LAMA2: variants seen among roughly 807,000 people sequenced by gnomAD.
LAMA2 encodes the protein laminin subunit alpha-2.
In LAMA2, 269 loss-of-function variants were observed where a neutral mutation model predicts 364.8. The ratio of observed to expected loss-of-function variants is 0.74; its 90% confidence interval spans 0.67 to 0.82. The LOEUF (loss-of-function observed/expected upper bound fraction) is 0.82. LAMA2 is among the 40% of genes least tolerant of loss of function. The probability of loss-of-function intolerance (pLI) is 0.00; values close to 1 mark genes in which losing one functional copy is unlikely to be tolerated. For synonymous variants in LAMA2, 1,379 were observed against 1,370.6 expected (o/e 1.01, Z -0.14); for missense variants, 3,807 against 3,873.2 (o/e 0.98, Z 0.45).
At chr6:128,957,730 C>T (rs1268500316) in intron 1 of LAMA2, among the ~76,000 whole-genome samples, 3 of 151,646 alleles carry the variant, frequency 2.0e-5, no homozygotes, top group Non-Finnish European at 2.9e-5. Flanking sequence ...TGAGTTGTCT[C>T]GAAGAGCAGT....
rs546637372 is a variant in LAMA2, at chr6:129,464,961, T to C, written c.7156-184T>C. Among the ~76,000 whole-genome samples the C allele has an allele frequency of 1.2e-4, 19 of 152,124 alleles. No homozygotes were observed. In the South Asian group the frequency reaches 2.5e-3, roughly 20 times the overall value. ...TTTGTTGTGACCATGTGCATCATAA[T>C]ATCACAGCCACAAAAATTCAGAAAA... On this transcript the variant is annotated intron_variant, in intron 50 of 64. Transcript: ENST00000421865.
At chr6:129,403,040 G>T (rs1286596715) in intron 39 of LAMA2, among the ~76,000 whole-genome samples, 1 of 152,144 alleles carries the variant, frequency 6.6e-6, no homozygotes, top group Non-Finnish European at 1.5e-5. Context: ...AGTAAAGAGG[G>T]AAGTATACAT....
At chr6:129,515,773 T>C (rs963690782) in intron 64 of LAMA2, among the ~76,000 whole-genome samples, 2 of 152,214 alleles carry the variant, frequency 1.3e-5, no homozygotes, top group Non-Finnish European at 1.5e-5. Context: ...TGTTTTCATA[T>C]GTTATAACTA....
At chr6:129,498,142 T>A (rs1380591786) in intron 58 of LAMA2, among the ~76,000 whole-genome samples, 4 of 152,226 alleles carry the variant, frequency 2.6e-5, no homozygotes, top group African/African-American at 9.6e-5. Context: ...GGCTGCATTC[T>A]TTTACTTGAA....
intron 32 of LAMA2, among the ~76,000 whole-genome samples, chr6:129,358,510 A>G (rs902003640): frequency 1.3e-5 from 2 of 152,054 alleles, no homozygotes; most frequent in African/African-American, 4.8e-5. Flanking sequence ...TTAAAGTTGG[A>G]AGAAATAAGT....
chr6:129,313,645 G>A (rs1774372308), intron 23 of LAMA2, among the ~76,000 whole-genome samples: 1 of 152,124 alleles, frequency 6.6e-6, no homozygotes, highest in East Asian at 1.9e-4. Flanking sequence ...TAGAAAAAGA[G>A]CCAATTAAAA....
chr6:129,070,414 A>C (rs927637439), intron 3 of LAMA2, among the ~76,000 whole-genome samples: 1 of 152,190 alleles, frequency 6.6e-6, no homozygotes, highest in South Asian at 2.1e-4. Context: ...GATACCTATG[A>C]GGTTCACTTT....
At chr6:129,016,409 T>A (rs1378905591) in intron 1 of LAMA2, among the ~76,000 whole-genome samples, 1 of 152,048 alleles carries the variant, frequency 6.6e-6, no homozygotes, top group East Asian at 1.9e-4. Context: ...CTATTAATAA[T>A]ATCTAAAGCT....
In LAMA2 at chr6:129,284,190, TA is replaced by T. The variant is rs1416213829; in HGVS notation, c.2538-3656del. Among the ~76,000 whole-genome samples, 4 of 152,148 alleles carry T rather than the reference TA, an allele frequency of 2.6e-5. No homozygotes were observed. The East Asian group carries it at 7.8e-4, about 29-fold the overall frequency. ...ATGGGAGGAAGTAAGAACACAGCAT[TA>T]CAGCCACGCCTCTTTATACAGCAGC... On this transcript the variant is annotated intron_variant, in intron 18 of 64. Transcript: ENST00000421865.
intron 8 of LAMA2, chr6:129,158,840 G>T: frequency 9.3e-6 from 15 of 1,613,972 alleles, no homozygotes; most frequent in Non-Finnish European, 1.3e-5. Context: ...AGCTAATGTG[G>T]TTTCTCCCTG....
In LAMA2 at chr6:129,427,775, AAAGG is replaced by A; in HGVS notation, c.5893_5896del (p.Glu1965MetfsTer19). On this transcript the variant is annotated frameshift_variant, in exon 41 of 65. Coordinates refer to ENST00000421865, the MANE Select transcript of LAMA2 (RefSeq NM_000426.4). LOFTEE classifies it high-confidence loss of function. ...AGGCAACAGGTCCTCGGGGTTTATT[AAAGG>A]AAGATGCCAAAGGCTGTCTTCAGAA... The A allele has an allele frequency of 1.2e-6, 2 of 1,613,610 alleles. No individual in the cohort carries two copies. The highest frequency in any genetic ancestry group is 1.7e-6 in the Non-Finnish European group (2 of 1,179,670).
intron 1 of LAMA2, among the ~76,000 whole-genome samples, chr6:129,048,551 TTC>T (rs35969474): frequency 0.45 from 43,714 of 96,076 alleles, 11,229 homozygotes; most frequent in Non-Finnish European, 0.53. Flanking sequence ...CTTTCTTTCT[TTC>T]TCTCTCTCTC....
chr6:129,107,381 T>A (rs184308396), intron 4 of LAMA2, among the ~76,000 whole-genome samples: 1 of 152,066 alleles, frequency 6.6e-6, no homozygotes, highest in Non-Finnish European at 1.5e-5. Flanking sequence ...ATGAAATGAC[T>A]GAGCTGGCTC....
intron 29 of LAMA2, among the ~76,000 whole-genome samples, chr6:129,339,396 T>C (rs1432922207): frequency 6.6e-6 from 1 of 152,178 alleles, no homozygotes; most frequent in East Asian, 1.9e-4. Flanking sequence ...ATGAACTTCA[T>C]TGTTGTCATT....
chr6:129,174,051 T>C (rs549674573), intron 9 of LAMA2, among the ~76,000 whole-genome samples: 1 of 152,226 alleles, frequency 6.6e-6, no homozygotes, highest in East Asian at 1.9e-4. Context: ...AAATTTTATG[T>C]AATCAGCTGT....
intron 40 of LAMA2, among the ~76,000 whole-genome samples, chr6:129,421,725 A>G (rs1375273644): frequency 6.6e-6 from 1 of 152,182 alleles, no homozygotes; most frequent in Non-Finnish European, 1.5e-5. Context: ...GACTGCTTGT[A>G]ACTGACAGTT....
chr6:128,915,385 A>G (rs1778245040), intron 1 of LAMA2, among the ~76,000 whole-genome samples: 1 of 152,172 alleles, frequency 6.6e-6, no homozygotes, highest in Admixed American at 6.5e-5. Context: ...GTGTGGGAGA[A>G]CAAGGTGAGA....
chr6:129,114,856 A>G (rs1776376199), intron 4 of LAMA2, among the ~76,000 whole-genome samples: 1 of 152,000 alleles, frequency 6.6e-6, no homozygotes, highest in Admixed American at 6.6e-5. Flanking sequence ...TGAAAGTGGG[A>G]ACTGATTTGT....
chr6:129,232,516 A>G (rs944075783), intron 12 of LAMA2, among the ~76,000 whole-genome samples: 1 of 152,002 alleles, frequency 6.6e-6, no homozygotes, highest in Non-Finnish European at 1.5e-5. Context: ...TTTTCTCCAT[A>G]TTTACCTTCC....
Sources: allele counts gnomAD v4.1 joint callset (sites outside exome capture counted in the v4.1 genomes callset), GRCh38; gene constraint gnomAD v4.1.1; transcripts MANE v1.5; gene names NCBI Gene and HGNC (gene_info 2026-07-23, HGNC 2026-07-21).